KYNU: variants seen among roughly 807,000 people sequenced by gnomAD.
The protein encoded by KYNU is L-kynurenine hydrolase.
A neutral mutation model predicts 59.2 loss-of-function variants in KYNU; 54 were observed. The ratio of observed to expected loss-of-function variants is 0.91; its 90% CI spans 0.73 to 1.14. The LOEUF is 1.14. Among genes scored for constraint, KYNU ranks in the 50% most tolerant of loss-of-function variants. The probability of loss-of-function intolerance (pLI) is 0.00; values close to 1 mark genes in which losing one functional copy is unlikely to be tolerated. For synonymous variants in KYNU, 177 were observed against 192.0 expected (o/e 0.92, Z 0.65); for missense variants, 567 against 554.4 (o/e 1.02, Z -0.23).
chr2:142,965,945 C>A (rs754213114), intron 8 of KYNU, among the ~76,000 whole-genome samples: 4 of 152,022 alleles, frequency 2.6e-5, no homozygotes, highest in Non-Finnish European at 5.9e-5. Context: ...CCCTCGCTCT[C>A]CTTTCTTTTT....
At chr2:142,942,691 G>A (rs1683642658) in intron 4 of KYNU, among the ~76,000 whole-genome samples, 1 of 152,174 alleles carries the variant, frequency 6.6e-6, no homozygotes, top group African/African-American at 2.4e-5. Context: ...TTTTAGAGCA[G>A]GAATGAAAAG....
chr2:142,946,076 GTTTTTTATTTTTA>G (rs1243854877), intron 4 of KYNU, among the ~76,000 whole-genome samples: 2 of 149,044 alleles, frequency 1.3e-5, no homozygotes, highest in African/African-American at 2.6e-5. Flanking sequence ...TTTGTATTTT[GTTTTTTATTTTTA>G]TTTTTTATTT....
chr2:142,907,684 C>T, intron 2 of KYNU, among the ~76,000 whole-genome samples: 1 of 128,874 alleles, frequency 7.8e-6, no homozygotes, highest in East Asian at 1.9e-4. Context: ...TGATCATTGT[C>T]CCCCCGTTGT....
intron 10 of KYNU, among the ~76,000 whole-genome samples, chr2:143,014,113 C>G (rs954268997): frequency 2.6e-5 from 4 of 152,216 alleles, no homozygotes; most frequent in Admixed American, 6.5e-5. Context: ...TCCTAACATT[C>G]CTACACAAAG....
chr2:142,962,572 T>C (rs1180807349), intron 8 of KYNU, among the ~76,000 whole-genome samples: 3 of 152,202 alleles, frequency 2.0e-5, no homozygotes, highest in Non-Finnish European at 2.9e-5. Flanking sequence ...AGTACTTTGA[T>C]TGCTAAAGCC....
rs145314799 is a variant in KYNU, at chr2:143,021,049, T to A, written c.903-8578T>A. The stretch of plus-strand genomic sequence containing the variant: ...TTATATTATTAGTAACTGGAGAGAT[T>A]TTCTTTTTAACTTTTAAGAACTACT... On this transcript the variant is annotated intron_variant, in intron 10 of 13. Transcript: ENST00000264170. Among the ~76,000 whole-genome samples the A allele has an allele frequency of 6.8e-3, 1,043 of 152,282 alleles. 9 individuals carry two copies. Among genetic ancestry groups the A allele is most frequent in the African/African-American group, 0.024 (988 of 41,560 alleles).
At chr2:143,001,547 C>T (rs1685708393) in intron 10 of KYNU, among the ~76,000 whole-genome samples, 1 of 152,204 alleles carries the variant, frequency 6.6e-6, no homozygotes, top group Non-Finnish European at 1.5e-5. Context: ...CTTTTCACCT[C>T]TGCTCTTCCA....
chr2:142,918,807 G>A (rs886742355), intron 3 of KYNU, 78 bp downstream of exon 3: 6 of 1,467,082 alleles, frequency 4.1e-6, no homozygotes, highest in Non-Finnish European at 5.7e-6. Flanking sequence ...TCTAATATTT[G>A]GAAAGATGTG....
Position 143,042,100 on chromosome 2 carries a change from T to A in KYNU, c.1326T>A (p.Asn442Lys). ...GIRVAPVPLY[N>K]SFHDVYKFTN... ...GAGTGGCTCCAGTTCCTCTCTATAA[T>A]TCTTTCCATGATGTTTATAAATTTA... is the stretch of plus-strand genomic sequence containing the variant. The change falls in exon 14 of 14, where the codon AAT becomes AAA. Residue 442 changes from asparagine (N) to lysine (K), a missense_variant. Transcript: ENST00000264170. 6.2e-7 allele frequency: 1 copy of A among 1,611,544 alleles called. No individual in the cohort carries two copies. Among genetic ancestry groups the A allele is most frequent in the Non-Finnish European group, 8.5e-7 (1 of 1,178,330 alleles).
chr2:143,029,573 A>C, intron 10 of KYNU, 54 bp from the exon 11 acceptor site: 2 of 1,124,776 alleles, frequency 1.8e-6, no homozygotes, highest in Non-Finnish European at 2.7e-6. Flanking sequence ...GCAGCAGAGC[A>C]AGACTCCATC....
intron 4 of KYNU, among the ~76,000 whole-genome samples, chr2:142,929,648 G>A (rs190664666): frequency 0.017 from 2,587 of 152,234 alleles, 44 homozygotes; most frequent in Non-Finnish European, 0.022. Context: ...GGGAGAGGAG[G>A]GGACAGGCGC....
intron 2 of KYNU, among the ~76,000 whole-genome samples, chr2:142,898,773 T>C (rs1199824566): frequency 2.0e-5 from 3 of 152,306 alleles, no homozygotes; most frequent in Admixed American, 6.5e-5. Context: ...CTTGGGTTCT[T>C]GGCCTCACAG....
intron 4 of KYNU, among the ~76,000 whole-genome samples, chr2:142,933,079 G>A (rs531305297): frequency 6.6e-6 from 1 of 152,272 alleles, no homozygotes; most frequent in Non-Finnish European, 1.5e-5. Context: ...TGTCTTTGAT[G>A]TTATGGGTTG....
chr2:142,982,989 A>G (rs1267428749), intron 8 of KYNU, among the ~76,000 whole-genome samples: 2 of 152,028 alleles, frequency 1.3e-5, no homozygotes, highest in Non-Finnish European at 2.9e-5. Context: ...TGAGTATATC[A>G]ATTCACTCTT....
intron 10 of KYNU, among the ~76,000 whole-genome samples, chr2:143,005,514 A>C (rs1411948264): frequency 6.6e-6 from 1 of 152,180 alleles, no homozygotes; most frequent in Non-Finnish European, 1.5e-5. Flanking sequence ...TTGACGAAAA[A>C]ATAAGAAGAA....
In KYNU at chr2:142,898,947, C is replaced by T. The variant is rs112470512; in HGVS notation, c.169+13411C>T. On this transcript the variant is annotated intron_variant, in intron 2 of 13. Coordinates refer to ENST00000264170, the MANE Select transcript of KYNU (RefSeq NM_003937.3). Reference sequence around the variant, plus strand: ...AACAATGGTGAGCCTTTAGCCCGATCGGGAGCAGAAATGGGCACCTTGCTG... The same window carrying T: ...AACAATGGTGAGCCTTTAGCCCGATTGGGAGCAGAAATGGGCACCTTGCTG... Among the ~76,000 whole-genome samples the T allele has an allele frequency of 5.5e-4, 83 of 152,220 alleles. 2 individuals are homozygous for T. In the East Asian group the frequency reaches 0.016, roughly 29 times the overall value.
At position 143,042,622 on chromosome 2, in the gene KYNU, A is replaced by G. The variant is rs1385271988; in HGVS notation, c.*450A>G. ...TATATATATATATATATATATATAT[A>G]TATATATATGTGTGTGTGTGTGTGT... On this transcript the variant is annotated 3_prime_UTR_variant, in exon 14 of 14. Transcript: ENST00000264170. 18,929 of 123,352 alleles carry G rather than the reference A, an allele frequency of 0.15. 1,681 individuals carry two copies. The highest frequency in any genetic ancestry group is 0.27 in the East Asian group (1,137 of 4,192). The allele number at this position is 123,352 out of a possible 1,614,324, so 7.6% of individuals were successfully genotyped here.
At position 142,885,502 on chromosome 2, in the gene KYNU, C is replaced by T; in HGVS notation, c.135C>T (p.Cys45=). ...EEDKLRHFRE[C]FYIPKIQDLP... The stretch of plus-strand genomic sequence containing the variant: ...ATAAGCTGAGGCACTTCAGGGAGTG[C>T]TTTTATATTCCCAAAATACAGGATC... The change falls in exon 2 of 14, where the codon TGC becomes TGT. Residue 45 remains cysteine (C), a synonymous_variant. Transcript: ENST00000264170. 1 of 1,613,750 alleles carries T rather than the reference C, an allele frequency of 6.2e-7. No individual in the cohort carries two copies. The highest frequency in any genetic ancestry group is 8.5e-7 in the Non-Finnish European group (1 of 1,179,966).
Position 143,054,447 on chromosome 2 carries a change from G to C in KYNU, c.*12275G>C, listed in dbSNP as rs899313611. ...TCATTTTTCAATACTTAGGATAACA[G>C]ATTCAGGCAAAGATAAAACATTAAA... On this transcript the variant is annotated 3_prime_UTR_variant, in exon 14 of 14. Transcript: ENST00000264170. The C allele has an allele frequency of 5.9e-5, 9 of 152,118 alleles. No homozygotes were observed. The highest frequency in any genetic ancestry group is 1.9e-4 in the African/African-American group (8 of 41,416). The allele number at this position is 152,118 out of a possible 1,614,324, so 9.4% of individuals were successfully genotyped here.
Sources: allele counts gnomAD v4.1 joint callset (sites outside exome capture counted in the v4.1 genomes callset), GRCh38; gene constraint gnomAD v4.1.1; transcripts MANE v1.5; gene names NCBI Gene and HGNC (gene_info 2026-07-23, HGNC 2026-07-21).